The following CD36 variants were observed in gnomAD, a reference collection of about 807,000 sequenced individuals.
The protein encoded by CD36 is CD36 molecule (CD36 blood group).
CD36 carries 119 observed loss-of-function variants against 55.2 expected under a neutral mutation model. That is an observed-to-expected ratio of 2.15 (90% CI 1.86 to 2.51). The LOEUF (loss-of-function observed/expected upper bound fraction) is 2.51, where lower values mean the gene tolerates loss of function less well. Among genes scored for constraint, CD36 ranks in the 30% most tolerant of loss-of-function variants. The probability of loss-of-function intolerance (pLI) is 0.00; values close to 1 mark genes in which losing one functional copy is unlikely to be tolerated. For synonymous variants in CD36, 186 were observed against 193.6 expected (o/e 0.96, Z 0.33); for missense variants, 819 against 555.5 (o/e 1.47, Z -4.77).
chr7:80,655,140 T>G (rs1004080998), intron 3 of CD36, among the ~76,000 whole-genome samples: 1 of 152,196 alleles, frequency 6.6e-6, no homozygotes, highest in African/African-American at 2.4e-5. Context: ...GTCATTGTTC[T>G]CTTTAGGCTC....
intron 1 of CD36, among the ~76,000 whole-genome samples, chr7:80,632,818 G>T (rs1794163272): frequency 6.6e-6 from 1 of 151,496 alleles, no homozygotes; most frequent in African/African-American, 2.4e-5. Flanking sequence ...TCCACTTTAG[G>T]GACCACCTTT....
chr7:80,646,863 A>G lies in CD36; in HGVS notation c.120+3A>G. On this transcript the variant is annotated splice_donor_region_variant and intron_variant, in intron 3 of 14. Transcript: ENST00000447544. ...TTATCCAGAAGACAATTAAAAAGGT[A>G]CAAGTAGTCCAAAGAATATGCCTTC... 6.2e-7 allele frequency: 1 copy of G among 1,613,832 alleles called. No individual in the cohort carries two copies. Among genetic ancestry groups the G allele is most frequent in the South Asian group, 1.1e-5 (1 of 91,072 alleles).
At chr7:80,660,018 A>T (rs892414467) in intron 4 of CD36, among the ~76,000 whole-genome samples, 1 of 152,050 alleles carries the variant, frequency 6.6e-6, no homozygotes, top group Non-Finnish European at 1.5e-5. Context: ...ATAAACCCCT[A>T]CCCTGTAGGA....
intron 1 of CD36, among the ~76,000 whole-genome samples, chr7:80,603,714 AAC>A (rs72144591): frequency 0.32 from 48,391 of 149,748 alleles, 8,072 homozygotes; most frequent in South Asian, 0.45. Context: ...AGGATAATAA[AAC>A]AGTTTTCACC....
In CD36 at chr7:80,679,083, T is replaced by C. The variant is rs541438932; in HGVS notation, c.*2700T>C. The C allele has an allele frequency of 5.3e-5, 8 of 152,170 alleles. No individual in the cohort carries two copies. The highest frequency in any genetic ancestry group is 1.2e-4 in the African/African-American group (5 of 41,436). The allele number at this position is 152,170 out of a possible 1,614,324, so 9.4% of individuals were successfully genotyped here. A position where few individuals can be genotyped will look rare whatever the true frequency, so the allele number is the denominator to read the frequency against. ...GTCGTCGCTTCTGGTTTCCTGCATATACCAATAGCATTACCTATGACTTTT... is the reference window on the plus strand; with the variant it reads ...GTCGTCGCTTCTGGTTTCCTGCATACACCAATAGCATTACCTATGACTTTT... On this transcript the variant is annotated 3_prime_UTR_variant, in exon 15 of 15. Transcript: ENST00000447544.
chr7:80,663,423 A>AT (rs765059737), intron 6 of CD36, among the ~76,000 whole-genome samples: 27 of 152,074 alleles, frequency 1.8e-4, no homozygotes, highest in Non-Finnish European at 2.8e-4. Context: ...ATAAATACAC[A>AT]ATTTTTTTTA....
chr7:80,630,025 G>A (rs900219188), intron 1 of CD36, among the ~76,000 whole-genome samples: 24 of 151,776 alleles, frequency 1.6e-4, no homozygotes, highest in African/African-American at 5.1e-4. Context: ...TGGCAGATAA[G>A]CCAGGGAAAA....
intron 12 of CD36, 79 bp downstream of exon 12, chr7:80,672,922 TGTAA>T (rs1200336624): frequency 1.4e-5 from 13 of 902,022 alleles, no homozygotes; most frequent in African/African-American, 5.0e-5. Context: ...AGTAAATCTA[TGTAA>T]GTAAGTGGAA....
Position 80,677,546 on chromosome 7 carries a change from C to A in CD36, c.*1163C>A, listed in dbSNP as rs1184385331. The A allele has an allele frequency of 1.3e-5, 2 of 152,206 alleles. No homozygotes were observed. Among genetic ancestry groups the A allele is most frequent in the African/African-American group, 4.8e-5 (2 of 41,452 alleles). The allele number at this position is 152,206 out of a possible 1,614,324, so 9.4% of individuals were successfully genotyped here. ...ACCTGTTTGGAAAGATCTTTTGCAT[C>A]TCTGAAGGTGCTTAAAGCATACTTA... is the stretch of plus-strand genomic sequence containing the variant. On this transcript the variant is annotated 3_prime_UTR_variant, in exon 15 of 15. Transcript: ENST00000447544.
intron 4 of CD36, among the ~76,000 whole-genome samples, chr7:80,659,576 C>T (rs967987533): frequency 6.6e-6 from 1 of 152,074 alleles, no homozygotes; most frequent in Non-Finnish European, 1.5e-5. Context: ...AACTTTTAAA[C>T]AAAAAATTCA....
chr7:80,656,455 G>T, intron 3 of CD36, 85 bp from the exon 4 acceptor site: 1 of 1,245,128 alleles, frequency 8.0e-7, no homozygotes. Context: ...CTTTTATTCT[G>T]GCTGACTCAA....
intron 1 of CD36, among the ~76,000 whole-genome samples, chr7:80,639,415 A>G (rs1794662536): frequency 6.6e-6 from 1 of 152,024 alleles, no homozygotes; most frequent in Admixed American, 6.6e-5. Flanking sequence ...ATAAAAATAA[A>G]GTTAATTTTT....
At position 80,648,416 on chromosome 7, in the gene CD36, A is replaced by G. The variant is rs565199590; in HGVS notation, c.120+1556A>G. Among the ~76,000 whole-genome samples, 18 of 152,316 alleles carry G rather than the reference A, an allele frequency of 1.2e-4. No individual in the cohort carries two copies. The South Asian group carries it at 2.5e-3, about 21-fold the overall frequency. ...TTTGCTGACACATAATTATTGGTCA[A>G]TAACTGAGTATTGATGATTTAATTT... is the stretch of plus-strand genomic sequence containing the variant. On this transcript the variant is annotated intron_variant, in intron 3 of 14. Coordinates refer to ENST00000447544, the MANE Select transcript of CD36 (RefSeq NM_001001548.3).
chr7:80,663,147 C>A lies in CD36; in HGVS notation c.587C>A (p.Thr196Asn), dbSNP rs1487610752. Residue 196 changes from threonine to asparagine, a missense_variant, in exon 6 of 15, where the codon ACC becomes AAC. Physicochemically the swap from Thr to Asn is moderately conservative, Grantham distance 65. Transcript: ENST00000447544. ...AGTTTGGTTCCGTACCCTGTTACTA[C>A]CACAGTTGGTCTGTTTTATCCTGTA... ...FLSLVPYPVT[T>N]TVGLFYPYNN... 6.2e-7 allele frequency: 1 copy of A among 1,613,282 alleles called. No individual in the cohort carries two copies. Among genetic ancestry groups the A allele is most frequent in the African/African-American group, 1.3e-5 (1 of 74,870 alleles).
rs67213422 is a variant in CD36 at position 80,604,350 on chromosome 7, ATTTTTTTTTTTTTTTTTTTT to A, written c.-184+1992_-184+2011del. Among the ~76,000 whole-genome samples, 134 of 54,296 alleles carry A rather than the reference ATTTTTTTTTTTTTTTTTTTT, an allele frequency of 2.5e-3. 1 individual carries two copies. The highest frequency in any genetic ancestry group is 0.023 in the East Asian group (59 of 2,564). 35.6% of individuals were successfully genotyped at this position (54,296 alleles called of 152,430 possible). On this transcript the variant is annotated intron_variant, in intron 1 of 13. Coordinates refer to the CD36 transcript ENST00000309881. ...TACAGTAATTGGCTAAGCCACTGGA[ATTTTTTTTTTTTTTTTTTTT>A]TTTTTTTTTTTTTTTTTTTTAGCAA...
rs145908803 is a variant in CD36 at position 80,669,968 on chromosome 7, C to T, written c.764C>T (p.Pro255Leu). ...MINGTDAASF[P>L]PFVEKSQVLQ... The stretch of plus-strand genomic sequence containing the variant: ...TTTTAAACAGATGCAGCCTCATTTC[C>T]ACCTTTTGTTGAGAAAAGCCAGGTA... Residue 255 changes from proline (P) to leucine (L), a missense_variant, in exon 9 of 15, where the codon CCA (proline) becomes CTA (leucine). Transcript: ENST00000447544. The T allele has an allele frequency of 4.0e-5, 65 of 1,612,184 alleles. No homozygotes were observed. In the African/African-American group the frequency reaches 6.1e-4, roughly 15 times the overall value.
At chr7:80,675,898 T>C (rs1266788083) in intron 14 of CD36, among the ~76,000 whole-genome samples, 3 of 152,074 alleles carry the variant, frequency 2.0e-5, no homozygotes, top group Non-Finnish European at 4.4e-5. Context: ...CTGAAGGGTG[T>C]GGAAATGCTG....
chr7:80,658,420 T>C (rs1402647934), intron 4 of CD36, among the ~76,000 whole-genome samples: 2 of 78,734 alleles, frequency 2.5e-5, no homozygotes, highest in African/African-American at 6.5e-5. Flanking sequence ...AAGAAAATAG[T>C]TGTTAGAATT....
chr7:80,603,626 T>C (rs894050867), intron 1 of CD36, among the ~76,000 whole-genome samples: 6 of 152,116 alleles, frequency 3.9e-5, no homozygotes, highest in African/African-American at 9.7e-5. Context: ...ACTAATTATT[T>C]GGAATCTGAT....
Sources: allele counts gnomAD v4.1 joint callset (sites outside exome capture counted in the v4.1 genomes callset), GRCh38; gene constraint gnomAD v4.1.1; transcripts MANE v1.5; gene names NCBI Gene and HGNC (gene_info 2026-07-23, HGNC 2026-07-21).